Variants in FRYL observed in about 807,000 individuals in gnomAD.
FRYL encodes FRY like transcription coactivator.
In FRYL, 150 loss-of-function variants were observed where a neutral mutation model predicts 351.2. That is an observed-to-expected ratio of 0.43 (90% CI 0.37 to 0.49). FRYL has a LOEUF of 0.49. FRYL is among the 20% of genes least tolerant of loss of function. FRYL has a pLI of 0.00. For missense variants in FRYL, 3,036 were observed against 3,619.3 expected (o/e 0.84, Z 4.13); for synonymous variants, 1,153 against 1,257.1 (o/e 0.92, Z 1.75).
At chr4:48,625,008 G>A (rs1364647201) in intron 4 of FRYL, among the ~76,000 whole-genome samples, 1 of 152,084 alleles carries the variant, frequency 6.6e-6, no homozygotes, top group Non-Finnish European at 1.5e-5. Context: ...CTTATACCAT[G>A]GGCTCTCCTG....
intron 2 of FRYL, among the ~76,000 whole-genome samples, chr4:48,696,364 C>A (rs971600306): frequency 2.0e-5 from 3 of 152,152 alleles, no homozygotes; most frequent in Non-Finnish European, 4.4e-5. Flanking sequence ...AGAATGAGTT[C>A]ACGTCTTTTG....
intron 3 of FRYL, among the ~76,000 whole-genome samples, chr4:48,669,516 G>A (rs1207922783): frequency 6.6e-6 from 1 of 151,212 alleles, no homozygotes; most frequent in African/African-American, 2.4e-5. Context: ...CACCAGTCTT[G>A]TGACTAGTAT....
intron 3 of FRYL, among the ~76,000 whole-genome samples, chr4:48,658,312 G>GA (rs528571238): frequency 4.6e-5 from 7 of 151,540 alleles, no homozygotes; most frequent in Middle Eastern, 3.4e-3. Flanking sequence ...TTACCATAAG[G>GA]AAAAAAAAGA....
rs763157267 is a variant in FRYL, at chr4:48,595,985, T to G, written c.1051A>C (p.Met351Leu). ...LSHLKNKDPK[M>L]SRVALESLYR... ...AAAGATTCCAGTGCAACTCGAGACA[T>G]TTTCGGATCTTTATTCTGTTTTAAA... Residue 351 changes from methionine to leucine, a missense_variant, in exon 14 of 64, where the codon ATG becomes CTG. Physicochemically the swap from Met to Leu is conservative, Grantham distance 15 (BLOSUM62 2). Transcript: ENST00000358350. The G allele has an allele frequency of 6.9e-6, 11 of 1,595,136 alleles. No homozygotes were observed. The highest frequency in any genetic ancestry group is 8.5e-7 in the Non-Finnish European group (1 of 1,171,886).
chr4:48,744,085 TGTA>T (rs1313438368), intron 1 of FRYL, among the ~76,000 whole-genome samples: 3 of 152,144 alleles, frequency 2.0e-5, no homozygotes, highest in Non-Finnish European at 4.4e-5. Context: ...GGTCAGTAAA[TGTA>T]TTTACTAAGA....
At chr4:48,757,803 G>A (rs1475075691) in intron 1 of FRYL, among the ~76,000 whole-genome samples, 1 of 152,132 alleles carries the variant, frequency 6.6e-6, no homozygotes, top group African/African-American at 2.4e-5. Flanking sequence ...AAAGAACAAA[G>A]CTGGAGGCAT....
At position 48,521,229 on chromosome 4, in the gene FRYL, G is replaced by C; in HGVS notation, c.7522-14C>G. 6.3e-7 allele frequency: 1 copy of C among 1,580,298 alleles called. No individual in the cohort carries two copies. Among genetic ancestry groups the C allele is most frequent in the South Asian group, 1.2e-5 (1 of 85,814 alleles). Reference sequence around the variant, plus strand: ...ATCACTGTTTAACTAAAAAGAGAAAGAGTAAAATAAGGAATTCATTTATGA... The same window carrying C: ...ATCACTGTTTAACTAAAAAGAGAAACAGTAAAATAAGGAATTCATTTATGA... On this transcript the variant is annotated splice_polypyrimidine_tract_variant and intron_variant, in intron 54 of 63. Transcript: ENST00000358350.
intron 44 of FRYL, among the ~76,000 whole-genome samples, chr4:48,542,894 A>T (rs1297044866): frequency 6.6e-6 from 1 of 152,100 alleles, no homozygotes; most frequent in Admixed American, 6.6e-5. Flanking sequence ...TTTTTAAAAA[A>T]GAAATCACAT....
chr4:48,539,770 ATTTT>A (rs924658140), intron 47 of FRYL, among the ~76,000 whole-genome samples, 197 bp downstream of exon 47: 1 of 152,136 alleles, frequency 6.6e-6, no homozygotes, highest in African/African-American at 2.4e-5. Flanking sequence ...TAACTAAATA[ATTTT>A]ATTTACTGTC....
chr4:48,667,731 T>C (rs1274674811), intron 3 of FRYL, among the ~76,000 whole-genome samples: 1 of 152,138 alleles, frequency 6.6e-6, no homozygotes, highest in Non-Finnish European at 1.5e-5. Flanking sequence ...CACTGTAACC[T>C]CCGCCTCCCA....
At chr4:48,591,965 A>G (rs1743349237) in intron 16 of FRYL, among the ~76,000 whole-genome samples, 1 of 150,296 alleles carries the variant, frequency 6.7e-6, no homozygotes, top group Admixed American at 6.6e-5. Context: ...CACCACTACA[A>G]TCCAAGCCCA....
chr4:48,503,718 C>A (rs1720264058), intron 60 of FRYL, among the ~76,000 whole-genome samples: 1 of 152,140 alleles, frequency 6.6e-6, no homozygotes, highest in South Asian at 2.1e-4. Flanking sequence ...TTATTCCTAT[C>A]AATTTAGAAG....
At position 48,522,916 on chromosome 4, in the gene FRYL, G is replaced by C; in HGVS notation, c.7506C>G (p.Leu2502=). The change falls in exon 54 of 64, where the codon CTC becomes CTG. Residue 2502 remains leucine (L), a synonymous_variant. Coordinates refer to ENST00000358350, the MANE Select transcript of FRYL (RefSeq NM_015030.2). ...EEAALTASQI[L]SRTQMLNSDS... ...AATTGTATACCATCTGTGTGCGTGA[G>C]AGTATCTGGCTTGCTGTAAGTGCCG... 1 of 1,613,204 alleles carries C rather than the reference G, an allele frequency of 6.2e-7. No homozygotes were observed. Among genetic ancestry groups the C allele is most frequent in the East Asian group, 2.2e-5 (1 of 44,866 alleles).
At chr4:48,663,972 G>C (rs1435264011) in intron 3 of FRYL, among the ~76,000 whole-genome samples, 1 of 152,098 alleles carries the variant, frequency 6.6e-6, no homozygotes, top group Non-Finnish European at 1.5e-5. Context: ...CCTGAGATAG[G>C]GTGGTCAGGG....
In FRYL at chr4:48,527,529, A is replaced by G. The variant is rs1726518869; in HGVS notation, c.7265T>C (p.Phe2422Ser). 6.2e-7 allele frequency: 1 copy of G among 1,612,996 alleles called. No homozygotes were observed. The highest frequency in any genetic ancestry group is 1.3e-5 in the African/African-American group (1 of 74,844). ...AAAGTCAAAATCCTTAAAAACACCA[A>G]ACTGTTGTTCACTGCTATTATCTTC... ...AVEDNSSEQQFGVFKDFDFLD... is the reference protein window; with the variant it reads ...AVEDNSSEQQSGVFKDFDFLD... Residue 2422 changes from phenylalanine (F) to serine (S), a missense_variant, in exon 53 of 64, where the codon TTT (phenylalanine) becomes TCT (serine). Phe to Ser is a radical substitution (Grantham distance 155). This residue lies in a region of FRYL where 1,987 missense variants were observed against 2,311.7 expected (regional missense o/e 0.86). Coordinates refer to ENST00000358350, the MANE Select transcript of FRYL (RefSeq NM_015030.2).
At chr4:48,666,400 TAAA>T (rs1761725614) in intron 3 of FRYL, among the ~76,000 whole-genome samples, 1 of 150,844 alleles carries the variant, frequency 6.6e-6, no homozygotes, top group African/African-American at 2.4e-5. Context: ...AATAAATAAA[TAAA>T]TAAATAAATA....
At chr4:48,648,130 T>C (rs1756910088) in intron 3 of FRYL, among the ~76,000 whole-genome samples, 1 of 152,126 alleles carries the variant, frequency 6.6e-6, no homozygotes, top group African/African-American at 2.4e-5. Flanking sequence ...ATAAATAACA[T>C]TTCTTCCATT....
At chr4:48,502,942 C>A in intron 60 of FRYL, 97 bp from the exon 61 acceptor site, 1 of 896,764 alleles carries the variant, frequency 1.1e-6, no homozygotes. Context: ...ACAGATGTTC[C>A]AGGTAAACTG....
intron 3 of FRYL, among the ~76,000 whole-genome samples, chr4:48,640,292 T>G (rs1006866278): frequency 1.3e-5 from 2 of 152,108 alleles, no homozygotes; most frequent in African/African-American, 4.8e-5. Context: ...AAATAAACTG[T>G]GATATATTCA....
Sources: gnomAD v4.1 joint callset for allele counts (sites outside exome capture counted in the v4.1 genomes callset) on GRCh38, gnomAD v4.1.1 for gene constraint, gnomAD v4.1.1 regional missense constraint, MANE v1.5 for transcripts, NCBI Gene and HGNC (gene_info 2026-07-23, HGNC 2026-07-21) for gene names.